PMAIP1: variants seen among roughly 807,000 people sequenced by gnomAD.
The protein encoded by PMAIP1 is PMA-induced protein 1.
In PMAIP1, 3 loss-of-function variants were observed where a neutral mutation model predicts 3.7. The observed-to-expected ratio is 0.82, with a 90% confidence interval of 0.37 to 2.12. The LOEUF is 2.12. Among genes scored for constraint, PMAIP1 ranks in the 30% most tolerant of loss-of-function variants. PMAIP1 has a pLI of 0.06. For synonymous variants in PMAIP1, 29 were observed against 26.2 expected (o/e 1.11, Z -0.32); for missense variants, 77 against 67.1 (o/e 1.15, Z -0.52).
At position 59,900,763 on chromosome 18, in the gene PMAIP1, G is replaced by A. The variant is rs1489664944; in HGVS notation, c.58+528G>A. The A allele has an allele frequency of 9.8e-6, 6 of 614,364 alleles. 1 individual carries two copies. The highest frequency in any genetic ancestry group is 7.4e-5 in the African/African-American group (4 of 54,222). 38.1% of individuals were successfully genotyped at this position (614,364 alleles called of 1,614,324 possible). A position where few individuals can be genotyped will look rare whatever the true frequency, so the allele number is the denominator to read the frequency against. ...GTGGGAGGTGGGGATAGGAGAATAG[G>A]AGTTAGTCCGCTCCTTTTTTTCATT... On this transcript the variant is annotated intron_variant, in intron 1 of 1. Transcript: ENST00000316660.
intron 1 of PMAIP1, 29 bp downstream of exon 1, chr18:59,900,264 C>T: frequency 6.5e-7 from 1 of 1,537,120 alleles, no homozygotes; most frequent in Non-Finnish European, 8.8e-7. Flanking sequence ...CAGCGAAGAC[C>T]CAGGCCGGGC....
At chr18:59,902,565 C>T in intron 1 of PMAIP1, 82 bp from the exon 2 acceptor site, 1 of 1,163,994 alleles carries the variant, frequency 8.6e-7, no homozygotes, top group South Asian at 1.3e-5. Flanking sequence ...CAATTTGTCA[C>T]TAGTGTGGGC....
At chr18:59,900,647 C>T in intron 1 of PMAIP1, 1 of 1,508,336 alleles carries the variant, frequency 6.6e-7, no homozygotes, top group Non-Finnish European at 8.9e-7. Context: ...CCGGGGACCG[C>T]CTGGACTCCC....
Position 59,900,043 on chromosome 18 carries a change from C to G in PMAIP1, c.-135C>G. On this transcript the variant is annotated 5_prime_UTR_variant, in exon 1 of 2. Transcript: ENST00000316660. ...TGTGTAGTTGGCATCTCCGCGCGTC[C>G]GGACACCCGATCCCAGCATCCCTGC... is the stretch of plus-strand genomic sequence containing the variant. 1.1e-6 allele frequency: 1 copy of G among 911,946 alleles called. No homozygotes were observed. Among genetic ancestry groups the G allele is most frequent in the Non-Finnish European group, 1.6e-6 (1 of 638,134 alleles). The allele number at this position is 911,946 out of a possible 1,614,324, so 56.5% of individuals were successfully genotyped here.
chr18:59,902,640 T>C lies in PMAIP1; in HGVS notation c.59-7T>C, dbSNP rs2055780240. 4.3e-6 allele frequency: 7 copies of C among 1,613,456 alleles called. No individual in the cohort carries two copies. The South Asian group carries it at 6.6e-5, about 15-fold the overall frequency. ...TGTTCATGTCCATGTTTTGCTTTCC[T>C]TCTCAGAGCTGGAAGTCGAGTGTGC... On this transcript the variant is annotated splice_region_variant and splice_polypyrimidine_tract_variant and intron_variant, in intron 1 of 1. Coordinates refer to ENST00000316660, the MANE Select transcript of PMAIP1 (RefSeq NM_021127.3).
chr18:59,900,152 C>G lies in PMAIP1; in HGVS notation c.-26C>G, dbSNP rs2055748239. 1.3e-6 allele frequency: 2 copies of G among 1,553,664 alleles called. No individual in the cohort carries two copies. The highest frequency in any genetic ancestry group is 1.7e-6 in the Non-Finnish European group (2 of 1,153,676). On this transcript the variant is annotated 5_prime_UTR_variant, in exon 1 of 2. Transcript: ENST00000316660. Reference sequence around the variant, plus strand: ...AGGCTGAGGTTCCCGGGCTCTGTAGCTGAGTGGGCGGCGGCACCGGCGGAG... The same window carrying G: ...AGGCTGAGGTTCCCGGGCTCTGTAGGTGAGTGGGCGGCGGCACCGGCGGAG...
chr18:59,900,813 A>T (rs2055760847), intron 1 of PMAIP1: 1 of 516,992 alleles, frequency 1.9e-6, no homozygotes, highest in Non-Finnish European at 3.5e-6. Context: ...CCCCACCCCG[A>T]TACATACAGC....
chr18:59,901,489 C>T (rs1389798904), intron 1 of PMAIP1, among the ~76,000 whole-genome samples: 1 of 152,144 alleles, frequency 6.6e-6, no homozygotes, highest in Non-Finnish European at 1.5e-5. Flanking sequence ...TAAAGAATAA[C>T]ACCTTAAGGG....
intron 1 of PMAIP1, chr18:59,900,719 C>T (rs765544728): frequency 7.0e-5 from 58 of 827,240 alleles, no homozygotes; most frequent in Admixed American, 2.3e-4. Flanking sequence ...AATCTTGTAA[C>T]ATTTAAATAA....
At position 59,900,850 on chromosome 18, in the gene PMAIP1, C is replaced by T. The variant is rs1199421706; in HGVS notation, c.58+615C>T. The stretch of plus-strand genomic sequence containing the variant: ...CCATCGTAAGTTTTCAGGCCAGCGC[C>T]CCGGCCCCATGCTTTTTCTAAATCT... On this transcript the variant is annotated intron_variant, in intron 1 of 1. Transcript: ENST00000316660. 10 of 410,336 alleles carry T rather than the reference C, an allele frequency of 2.4e-5. No homozygotes were observed. The Admixed American group carries it at 3.9e-4, about 16-fold the overall frequency. 25.4% of individuals were successfully genotyped at this position (410,336 alleles called of 1,614,324 possible).
chr18:59,902,803 GA>G lies in PMAIP1; in HGVS notation c.*51del. On this transcript the variant is annotated 3_prime_UTR_variant, in exon 2 of 2. Coordinates refer to ENST00000316660, the MANE Select transcript of PMAIP1 (RefSeq NM_021127.3). ...GACTCCTTCAAAAGAGTTTTCTCAG[GA>G]GGTGCACGTTTCATCAATTTGAAGA... is the stretch of plus-strand genomic sequence containing the variant. 6.2e-7 allele frequency: 1 copy of G among 1,613,656 alleles called. No homozygotes were observed. Among genetic ancestry groups the G allele is most frequent in the South Asian group, 1.1e-5 (1 of 91,042 alleles).
At chr18:59,902,482 T>C (rs2055778884) in intron 1 of PMAIP1, among the ~76,000 whole-genome samples, 165 bp from the exon 2 acceptor site, 1 of 152,110 alleles carries the variant, frequency 6.6e-6, no homozygotes. Context: ...TGTGTGTAAG[T>C]GTGTGTGTGT....
At chr18:59,902,507 A>G (rs1010653293) in intron 1 of PMAIP1, 140 bp from the exon 2 acceptor site, 11 of 662,962 alleles carry the variant, frequency 1.7e-5, no homozygotes, top group Non-Finnish European at 2.9e-5. Context: ...CATTTGGAAA[A>G]CAGGTGCACA....
At position 59,900,213 on chromosome 18, in the gene PMAIP1, G is replaced by A. The variant is rs775101061; in HGVS notation, c.36G>A (p.Pro12=). The change falls in exon 1 of 2, where the codon CCG becomes CCA. Residue 12 remains proline (P), a synonymous_variant. Transcript: ENST00000316660. ...PGKKARKNAQ[P]SPARAPAELE... ...AGAAGGCGCGCAAGAACGCTCAACCGAGCCCCGCGCGGGCTCCAGCAGGTA... is the reference window on the plus strand; with the variant it reads ...AGAAGGCGCGCAAGAACGCTCAACCAAGCCCCGCGCGGGCTCCAGCAGGTA... The A allele has an allele frequency of 1.4e-5, 21 of 1,554,502 alleles. No individual in the cohort carries two copies. The highest frequency in any genetic ancestry group is 5.8e-5 in the Admixed American group (3 of 51,392).
At position 59,903,698 on chromosome 18, in the gene PMAIP1, T is replaced by C. The variant is rs967491193; in HGVS notation, c.*945T>C. 1 of 152,118 alleles carries C rather than the reference T, an allele frequency of 6.6e-6. No individual in the cohort carries two copies. Among genetic ancestry groups the C allele is most frequent in the African/African-American group, 2.4e-5 (1 of 41,434 alleles). The allele number at this position is 152,118 out of a possible 1,614,324, so 9.4% of individuals were successfully genotyped here. A position where few individuals can be genotyped will look rare whatever the true frequency, so the allele number is the denominator to read the frequency against. On this transcript the variant is annotated 3_prime_UTR_variant, in exon 2 of 2. Transcript: ENST00000316660. ...CATCCTACAAAAAGTGATCTCTTAA[T>C]GTAAATTAAGAATATTTTCATAATT...
At chr18:59,900,679 A>G in intron 1 of PMAIP1, 1 of 1,258,002 alleles carries the variant, frequency 7.9e-7, no homozygotes, top group Non-Finnish European at 1.1e-6. Context: ...AGACGGCCCC[A>G]CAAGGGCCCC....
chr18:59,901,295 T>A (rs1250806679), intron 1 of PMAIP1, among the ~76,000 whole-genome samples: 1 of 152,234 alleles, frequency 6.6e-6, no homozygotes, highest in East Asian at 1.9e-4. Context: ...GGGAAGTATT[T>A]TCTGCCTTGT....
In PMAIP1 at chr18:59,903,558, A is replaced by C. The variant is rs2055788780; in HGVS notation, c.*805A>C. 6.6e-6 allele frequency: 1 copy of C among 152,226 alleles called. No individual in the cohort carries two copies. Among genetic ancestry groups the C allele is most frequent in the Non-Finnish European group, 1.5e-5 (1 of 68,038 alleles). 9.4% of individuals were successfully genotyped at this position (152,226 alleles called of 1,614,324 possible). On this transcript the variant is annotated 3_prime_UTR_variant, in exon 2 of 2. Coordinates refer to ENST00000316660, the MANE Select transcript of PMAIP1 (RefSeq NM_021127.3). ...AAAAAGAAAAAAGAAGTTAATTTTT[A>C]ATTGATGTTTTTGAAACTTAGTAGA...
At position 59,902,642 on chromosome 18, in the gene PMAIP1, C is replaced by T; in HGVS notation, c.59-5C>T. The stretch of plus-strand genomic sequence containing the variant: ...TTCATGTCCATGTTTTGCTTTCCTT[C>T]TCAGAGCTGGAAGTCGAGTGTGCTA... On this transcript the variant is annotated splice_region_variant and splice_polypyrimidine_tract_variant and intron_variant, in intron 1 of 1. Transcript: ENST00000316660. 1 of 1,613,682 alleles carries T rather than the reference C, an allele frequency of 6.2e-7. No homozygotes were observed. Among genetic ancestry groups the T allele is most frequent in the South Asian group, 1.1e-5 (1 of 91,074 alleles).
Sources: allele counts gnomAD v4.1 joint callset (sites outside exome capture counted in the v4.1 genomes callset), GRCh38; gene constraint gnomAD v4.1.1; transcripts MANE v1.5; gene names NCBI Gene and HGNC (gene_info 2026-07-23, HGNC 2026-07-21).